The following SP140 variants were observed in gnomAD, a reference collection of about 807,000 sequenced individuals.
SP140 encodes the protein nuclear body protein SP140.
Under a neutral mutation model 125.0 loss-of-function variants are expected in SP140, and 81 were observed. That is an observed-to-expected ratio of 0.65 (90% CI 0.54 to 0.78). The LOEUF (loss-of-function observed/expected upper bound fraction) is 0.78, where lower values mean the gene tolerates loss of function less well. SP140 is among the 30% of genes least tolerant of loss of function. The pLI is 0.00. For missense variants in SP140, 858 were observed against 1,037.0 expected, an observed-to-expected ratio of 0.83 and a Z score of 2.37; for synonymous variants, 312 against 354.0, an observed-to-expected ratio of 0.88 and a Z score of 1.33.
intron 15 of SP140, among the ~76,000 whole-genome samples, chr2:230,274,763 G>A (rs955092649): frequency 2.0e-5 from 3 of 151,232 alleles, no homozygotes; most frequent in Non-Finnish European, 4.4e-5. Context: ...ACACCTTTAT[G>A]CTTTTTTTTT....
At chr2:230,306,731 G>A (rs771694429) in intron 22 of SP140, among the ~76,000 whole-genome samples, 12 of 152,214 alleles carry the variant, frequency 7.9e-5, no homozygotes, top group Non-Finnish European at 1.2e-4. Context: ...TCTGGATTTT[G>A]GGTGCTGACG....
chr2:230,225,611 T>C, upstream of SP140: 1 of 587,060 alleles, frequency 1.7e-6, no homozygotes. Context: ...TGACCCTGTC[T>C]TCCGTGGCCT....
At chr2:230,307,146 G>T (rs2058838329) in intron 22 of SP140, among the ~76,000 whole-genome samples, 1 of 152,144 alleles carries the variant, frequency 6.6e-6, no homozygotes, top group Non-Finnish European at 1.5e-5. Flanking sequence ...ACCCACCCTA[G>T]GACCTCCTCC....
At chr2:230,297,369 A>C in intron 21 of SP140, 52 bp from the exon 22 acceptor site, 1 of 1,576,612 alleles carries the variant, frequency 6.3e-7, no homozygotes, top group East Asian at 2.2e-5. Context: ...TAAGTGATAG[A>C]TGGAAACAAT....
At position 230,217,621 on chromosome 2, in the gene SP140, G is replaced by A. The variant is rs144263212; in HGVS notation, c.-91+3547G>A. On this transcript the variant is annotated intron_variant, in intron 3 of 4. Transcript: ENST00000456542. ...CGAGGTGGTTCCTATGACTGCACCT[G>A]TTTATACTGTTGAGGAACTGAGACA... 1.2e-4 allele frequency among the ~76,000 whole-genome samples: 18 copies of A among 152,312 alleles called. No individual in the cohort carries two copies. The East Asian group carries it at 3.5e-3, about 29-fold the overall frequency.
At chr2:230,208,008 T>G in intron 1 of SP140, 1 of 1,561,272 alleles carries the variant, frequency 6.4e-7, no homozygotes, top group East Asian at 2.2e-5. Flanking sequence ...GAGGCTTTTT[T>G]TCTTATGTCT....
chr2:230,248,600 G>GA (rs1386310681), intron 8 of SP140, among the ~76,000 whole-genome samples: 1 of 152,110 alleles, frequency 6.6e-6, no homozygotes, highest in Non-Finnish European at 1.5e-5. Context: ...TGGTATCACT[G>GA]AAAAAGAAAA....
chr2:230,293,162 A>G (rs942537333), intron 20 of SP140, among the ~76,000 whole-genome samples: 3 of 152,204 alleles, frequency 2.0e-5, no homozygotes, highest in African/African-American at 7.2e-5. Flanking sequence ...CCATGGCAAA[A>G]GTAGCTCTGT....
At chr2:230,297,391 C>G in intron 21 of SP140, 30 bp from the exon 22 acceptor site, 1 of 1,609,378 alleles carries the variant, frequency 6.2e-7, no homozygotes, top group Non-Finnish European at 8.5e-7. Flanking sequence ...CATTCAATAT[C>G]ATAAATCAAT....
intron 3 of SP140, chr2:230,215,046 T>C: frequency 6.2e-7 from 1 of 1,613,702 alleles, no homozygotes; most frequent in Non-Finnish European, 8.5e-7. Context: ...TTAAAAGTCC[T>C]CTCCAGTTGG....
At chr2:230,210,279 G>T (rs564920395) in intron 1 of SP140, among the ~76,000 whole-genome samples, 1 of 152,222 alleles carries the variant, frequency 6.6e-6, no homozygotes, top group Non-Finnish European at 1.5e-5. Context: ...GGATGGAAGA[G>T]AAGTGAGTGA....
intron 19 of SP140, among the ~76,000 whole-genome samples, chr2:230,290,897 T>G (rs2057038260): frequency 6.6e-6 from 1 of 152,162 alleles, no homozygotes; most frequent in Non-Finnish European, 1.5e-5. Context: ...CTCTCTCCCT[T>G]CTGGAGTGCC....
intron 11 of SP140, among the ~76,000 whole-genome samples, chr2:230,254,074 G>C (rs969341044): frequency 6.6e-6 from 1 of 152,152 alleles, no homozygotes; most frequent in Non-Finnish European, 1.5e-5. Context: ...GGATAATCTC[G>C]ATAAGAAATA....
At chr2:230,194,107 A>G in the SP140 span, among the ~76,000 whole-genome samples, 1 of 152,068 alleles carries the variant, frequency 6.6e-6, no homozygotes, top group Non-Finnish European at 1.5e-5. Context: ...TCTAGGCCAA[A>G]CCCCAAGATT....
chr2:230,285,684 T>G (rs1047245295), intron 16 of SP140, 68 bp from the exon 17 acceptor site: 2 of 1,338,552 alleles, frequency 1.5e-6, no homozygotes, highest in African/African-American at 2.9e-5. Context: ...CTCACTTGCG[T>G]TTGTTCCTGC....
chr2:230,199,145 A>AT (rs1175239097), upstream of SP140, among the ~76,000 whole-genome samples: 5 of 121,680 alleles, frequency 4.1e-5, no homozygotes, highest in African/African-American at 1.5e-4. Context: ...TATTATTATT[A>AT]TTATTTTTTT....
At chr2:230,212,895 G>A (rs199753725) in intron 1 of SP140, 3 of 1,614,022 alleles carry the variant, frequency 1.9e-6, no homozygotes, top group Middle Eastern at 1.6e-4. Flanking sequence ...CGCACAGGGT[G>A]AACAGCTTGG....
intron 12 of SP140, among the ~76,000 whole-genome samples, chr2:230,263,177 T>C (rs2052554346): frequency 6.6e-6 from 1 of 152,218 alleles, no homozygotes; most frequent in South Asian, 2.1e-4. Context: ...TTGTCGTATT[T>C]TCCTGTTGGA....
chr2:230,227,930 A>C (rs1011776901), intron 1 of SP140, among the ~76,000 whole-genome samples: 2 of 151,874 alleles, frequency 1.3e-5, no homozygotes, highest in Non-Finnish European at 2.9e-5. Flanking sequence ...CTTTAATTTT[A>C]ATTTTTTTTC....
Sources: allele counts gnomAD v4.1 joint callset (sites outside exome capture counted in the v4.1 genomes callset), GRCh38; gene constraint gnomAD v4.1.1; transcripts MANE v1.5; gene names NCBI Gene and HGNC (gene_info 2026-07-23, HGNC 2026-07-21).